SUGCT: variants seen among roughly 807,000 people sequenced by gnomAD.
The protein encoded by SUGCT is succinyl-CoA:glutarate CoA-transferase.
A neutral mutation model predicts 55.0 loss-of-function variants in SUGCT; 41 were observed. That is an observed-to-expected ratio of 0.74 (90% CI 0.58 to 0.97). The LOEUF is 0.97. Ranked by LOEUF, SUGCT falls within the 50% of genes least tolerant of loss-of-function variation. The pLI, the probability that SUGCT is intolerant of heterozygous loss-of-function variation, is 0.00. For synonymous variants in SUGCT, 187 were observed against 200.4 expected (o/e 0.93, Z 0.56); for missense variants, 568 against 547.8 (o/e 1.04, Z -0.37).
At chr7:40,600,411 A>G (rs1798236081) in intron 12 of SUGCT, among the ~76,000 whole-genome samples, 1 of 152,236 alleles carries the variant, frequency 6.6e-6, no homozygotes, top group South Asian at 2.1e-4. Context: ...GGGCTGACTG[A>G]TAACACATGG....
At chr7:40,776,849 C>G (rs751319742) in intron 13 of SUGCT, among the ~76,000 whole-genome samples, 2 of 152,160 alleles carry the variant, frequency 1.3e-5, no homozygotes, top group Admixed American at 6.5e-5. Context: ...TTTGGAGAAC[C>G]CTTCCTGGGA....
the SUGCT span, among the ~76,000 whole-genome samples, chr7:40,878,113 G>A: frequency 6.6e-6 from 1 of 151,866 alleles, no homozygotes; most frequent in Admixed American, 6.6e-5. Context: ...ACCAGGGCAG[G>A]GTAGGAGTTA....
At chr7:40,701,873 A>G (rs1225277961) in intron 12 of SUGCT, among the ~76,000 whole-genome samples, 4 of 152,210 alleles carry the variant, frequency 2.6e-5, no homozygotes. Context: ...CAGTGAGTGA[A>G]GGAGAGATAT....
At chr7:40,247,630 G>A (rs923551471) in intron 7 of SUGCT, among the ~76,000 whole-genome samples, 3 of 152,136 alleles carry the variant, frequency 2.0e-5, no homozygotes, top group Non-Finnish European at 1.5e-5. Context: ...GCAATTCCCT[G>A]ATGAGTTAAG....
intron 12 of SUGCT, among the ~76,000 whole-genome samples, chr7:40,670,443 G>T (rs200958492): frequency 6.6e-6 from 1 of 151,942 alleles, no homozygotes; most frequent in Non-Finnish European, 1.5e-5. Flanking sequence ...GAGAAAGAAC[G>T]TACTAATGTC....
At chr7:40,930,881 A>T in the SUGCT span, among the ~76,000 whole-genome samples, 2 of 152,160 alleles carry the variant, frequency 1.3e-5, no homozygotes, top group African/African-American at 4.8e-5. Flanking sequence ...GGACGATTTG[A>T]CTTCCTCTTT....
chr7:40,685,229 A>G (rs1784416199), intron 12 of SUGCT, among the ~76,000 whole-genome samples: 3 of 152,262 alleles, frequency 2.0e-5, no homozygotes, highest in South Asian at 4.1e-4. Context: ...TGTTTGTTCT[A>G]GTAATTCAGA....
At chr7:40,999,307 T>C in the SUGCT span, among the ~76,000 whole-genome samples, 5 of 151,954 alleles carry the variant, frequency 3.3e-5, no homozygotes, top group Non-Finnish European at 7.4e-5. Flanking sequence ...TTGACAAACA[T>C]CAGCCTTGGG....
At chr7:40,399,720 T>G (rs77420581) in intron 9 of SUGCT, among the ~76,000 whole-genome samples, 4 of 152,366 alleles carry the variant, frequency 2.6e-5, no homozygotes, top group Non-Finnish European at 5.9e-5. Context: ...CCAATCTGTA[T>G]GTCATTAATT....
chr7:40,214,997 G>A (rs1489077985), intron 6 of SUGCT, among the ~76,000 whole-genome samples: 1 of 152,116 alleles, frequency 6.6e-6, no homozygotes, highest in Non-Finnish European at 1.5e-5. Flanking sequence ...ATGTCTACAT[G>A]AGATCAGTCA....
chr7:40,868,693 G>A, the SUGCT span, among the ~76,000 whole-genome samples: 1 of 152,062 alleles, frequency 6.6e-6, no homozygotes, highest in East Asian at 1.9e-4. Flanking sequence ...CTACAGGCAT[G>A]CACCACCATG....
At chr7:40,586,945 C>T (rs1384964689) in intron 12 of SUGCT, among the ~76,000 whole-genome samples, 1 of 152,100 alleles carries the variant, frequency 6.6e-6, no homozygotes, top group Non-Finnish European at 1.5e-5. Context: ...AATGGAATAC[C>T]ACTTACAAAT....
chr7:40,871,150 G>A, the SUGCT span, among the ~76,000 whole-genome samples: 7 of 152,278 alleles, frequency 4.6e-5, no homozygotes, highest in East Asian at 1.2e-3. Context: ...CCCCTTTGCA[G>A]ACGAGGGAGG....
At chr7:40,858,944 G>A (rs763174694) in intron 13 of SUGCT, among the ~76,000 whole-genome samples, 1 of 152,188 alleles carries the variant, frequency 6.6e-6, no homozygotes, top group African/African-American at 2.4e-5. Flanking sequence ...AGTGGCAAGT[G>A]CAAAAGTACT....
chr7:40,894,712 C>T, the SUGCT span, among the ~76,000 whole-genome samples: 1 of 152,168 alleles, frequency 6.6e-6, no homozygotes, highest in Non-Finnish European at 1.5e-5. Context: ...TGAAAAAATA[C>T]TCAGCATCAC....
intron 9 of SUGCT, among the ~76,000 whole-genome samples, chr7:40,374,157 T>C (rs1220130811): frequency 6.6e-6 from 1 of 152,100 alleles, no homozygotes; most frequent in Non-Finnish European, 1.5e-5. Flanking sequence ...GGCACATGCA[T>C]ATATAGGGTT....
intron 13 of SUGCT, among the ~76,000 whole-genome samples, chr7:40,850,961 G>A (rs1793819817): frequency 6.6e-6 from 1 of 152,200 alleles, no homozygotes; most frequent in Non-Finnish European, 1.5e-5. Flanking sequence ...TTTACTGTGT[G>A]CCTGGTACTG....
At chr7:40,856,366 CT>C in intron 13 of SUGCT, among the ~76,000 whole-genome samples, 1 of 152,268 alleles carries the variant, frequency 6.6e-6, no homozygotes. Context: ...CTTGAAATTA[CT>C]GTACAATTTC....
At chr7:40,350,025 A>T (rs1360550745) in intron 9 of SUGCT, among the ~76,000 whole-genome samples, 1 of 152,088 alleles carries the variant, frequency 6.6e-6, no homozygotes, top group East Asian at 1.9e-4. Context: ...TTTTACCTGT[A>T]TGAGTTATCA....
Sources: allele counts gnomAD v4.1 joint callset (sites outside exome capture counted in the v4.1 genomes callset), GRCh38; gene constraint gnomAD v4.1.1; transcripts MANE v1.5; gene names NCBI Gene and HGNC (gene_info 2026-07-23, HGNC 2026-07-21).